The following TEK variants were observed in gnomAD, a reference collection of about 807,000 sequenced individuals.
The protein encoded by TEK is angiopoietin-1 receptor.
TEK carries 43 observed loss-of-function variants against 131.8 expected under a neutral mutation model. The ratio of observed to expected loss-of-function variants is 0.33; its 90% CI spans 0.26 to 0.42. The LOEUF is 0.42. Among genes scored for constraint, TEK ranks in the 10% least tolerant of loss-of-function variants. The pLI is 1.00. For missense variants in TEK, 1,162 were observed against 1,384.4 expected, an observed-to-expected ratio of 0.84 and a Z score of 2.55; for synonymous variants, 580 against 491.6, an observed-to-expected ratio of 1.18 and a Z score of -2.38.
At chr9:27,207,913 A>G (rs1825455544) in intron 15 of TEK, among the ~76,000 whole-genome samples, 1 of 152,232 alleles carries the variant, frequency 6.6e-6, no homozygotes, top group Non-Finnish European at 1.5e-5. Flanking sequence ...CTTGCAAAAC[A>G]GCCACAAATC....
chr9:27,137,584 G>A (rs907784606), intron 1 of TEK, among the ~76,000 whole-genome samples: 1 of 151,926 alleles, frequency 6.6e-6, no homozygotes, highest in African/African-American at 2.4e-5. Context: ...TCAACTTTAG[G>A]AATTTATATT....
At chr9:27,126,286 A>G (rs1320251826) in intron 1 of TEK, among the ~76,000 whole-genome samples, 1 of 152,234 alleles carries the variant, frequency 6.6e-6, no homozygotes, top group East Asian at 1.9e-4. Context: ...GTGATGTTTA[A>G]GAAGTAGATG....
chr9:27,195,738 C>T (rs556353318), intron 11 of TEK: 48 of 453,124 alleles, frequency 1.1e-4, no homozygotes, highest in Admixed American at 4.1e-4. Flanking sequence ...GCCCCTAACA[C>T]CTTCCAAGCA....
intron 1 of TEK, among the ~76,000 whole-genome samples, chr9:27,139,229 T>TAAAAAA (rs1822628105): frequency 9.1e-6 from 1 of 110,026 alleles, no homozygotes; most frequent in African/African-American, 3.6e-5. Context: ...AAAAAAACAG[T>TAAAAAA]AGGATTCTTA....
intron 21 of TEK, 45 bp downstream of exon 21, chr9:27,220,190 C>T: frequency 2.5e-6 from 4 of 1,591,296 alleles, no homozygotes; most frequent in Non-Finnish European, 3.4e-6. Flanking sequence ...TACCTTCCCC[C>T]TGTGTGTTTC....
chr9:27,133,903 TCAGA>T (rs933350812), intron 1 of TEK, among the ~76,000 whole-genome samples: 9 of 152,230 alleles, frequency 5.9e-5, no homozygotes, highest in Non-Finnish European at 1.3e-4. Context: ...CAGGATTTGC[TCAGA>T]CAAAGACAGC....
chr9:27,144,542 AT>A (rs1822845362), intron 1 of TEK, among the ~76,000 whole-genome samples: 1 of 152,216 alleles, frequency 6.6e-6, no homozygotes, highest in Non-Finnish European at 1.5e-5. Context: ...AAAAACAGAC[AT>A]AAAATCCAGT....
At chr9:27,175,137 C>A (rs573782930) in intron 6 of TEK, among the ~76,000 whole-genome samples, 1 of 105,778 alleles carries the variant, frequency 9.5e-6, no homozygotes, top group Non-Finnish European at 1.9e-5. Context: ...TCCCTCCCCC[C>A]TCCCCCCACC....
At chr9:27,172,564 G>C in intron 4 of TEK, 52 bp from the exon 5 acceptor site, 2 of 1,608,608 alleles carry the variant, frequency 1.2e-6, no homozygotes, top group Non-Finnish European at 1.7e-6. Flanking sequence ...CAATAAAGAT[G>C]TGTTGAGCGA....
Position 27,185,431 on chromosome 9 carries a change from T to C in TEK, c.1183-54T>C, listed in dbSNP as rs184766315. ...TGAGATGGGGTCAATGTTATGGACC[T>C]TTGCGTTTATGCCTCCCTAGAAGTT... On this transcript the variant is annotated intron_variant, in intron 8 of 22. Coordinates refer to ENST00000380036, the MANE Select transcript of TEK (RefSeq NM_000459.5). 120 of 1,610,406 alleles carry C rather than the reference T, an allele frequency of 7.5e-5. No individual in the cohort carries two copies. The African/African-American group carries it at 1.3e-3, about 18-fold the overall frequency.
At chr9:27,175,379 G>C (rs1341182239) in intron 6 of TEK, among the ~76,000 whole-genome samples, 1 of 150,272 alleles carries the variant, frequency 6.7e-6, no homozygotes, top group Non-Finnish European at 1.5e-5. Context: ...TCTTAATCCA[G>C]TCTATCATTG....
intron 4 of TEK, among the ~76,000 whole-genome samples, chr9:27,170,930 T>G (rs1360097562): frequency 6.6e-6 from 1 of 152,120 alleles, no homozygotes; most frequent in Non-Finnish European, 1.5e-5. Flanking sequence ...AAAAGGGGGA[T>G]CACAACGAGT....
In TEK at chr9:27,190,482, A is replaced by T. The variant is rs369713788; in HGVS notation, c.1328-47A>T. ...CTACCTCTACCTAAGAACAATCACA[A>T]AACCTCAAAGCCGAAGGACTAATCT... On this transcript the variant is annotated intron_variant, in intron 9 of 22. Coordinates refer to ENST00000380036, the MANE Select transcript of TEK (RefSeq NM_000459.5). The T allele has an allele frequency of 6.2e-6, 10 of 1,612,236 alleles. No homozygotes were observed. In the African/African-American group the frequency reaches 1.3e-4, roughly 22 times the overall value.
intron 18 of TEK, among the ~76,000 whole-genome samples, chr9:27,217,290 T>C (rs367695128): frequency 1.3e-5 from 2 of 152,182 alleles, no homozygotes; most frequent in African/African-American, 2.4e-5. Context: ...CCAGGCGTAG[T>C]TGTTCTCTTC....
chr9:27,209,010 T>C (rs1485302167), intron 15 of TEK, 111 bp from the exon 16 acceptor site: 5 of 739,966 alleles, frequency 6.8e-6, no homozygotes, highest in African/African-American at 1.7e-5. Context: ...TTTGGTTGTA[T>C]ACAGTTGATG....
At chr9:27,227,386 G>C (rs546896100) in intron 21 of TEK, among the ~76,000 whole-genome samples, 1 of 152,178 alleles carries the variant, frequency 6.6e-6, no homozygotes, top group Non-Finnish European at 1.5e-5. Context: ...GGAGTTCTGC[G>C]GTCAATTACT....
intron 21 of TEK, among the ~76,000 whole-genome samples, chr9:27,227,322 C>G (rs1826377905): frequency 6.6e-6 from 1 of 152,136 alleles, no homozygotes; most frequent in African/African-American, 2.4e-5. Flanking sequence ...CAGTGTTTCC[C>G]AAACTATGTT....
At chr9:27,134,277 A>C (rs1822334463) in intron 1 of TEK, among the ~76,000 whole-genome samples, 1 of 152,212 alleles carries the variant, frequency 6.6e-6, no homozygotes, top group East Asian at 1.9e-4. Context: ...TAGAGAGTTA[A>C]CATCAGCTCA....
chr9:27,160,373 T>G (rs1382115581), intron 2 of TEK, among the ~76,000 whole-genome samples: 1 of 152,220 alleles, frequency 6.6e-6, no homozygotes, highest in Non-Finnish European at 1.5e-5. Context: ...ACATTGCTGA[T>G]TGGCTGTTTC....
Sources: allele counts gnomAD v4.1 joint callset (sites outside exome capture counted in the v4.1 genomes callset), GRCh38; gene constraint gnomAD v4.1.1; transcripts MANE v1.5; gene names NCBI Gene and HGNC (gene_info 2026-07-23, HGNC 2026-07-21).